The following IQCK variants were observed in gnomAD, a reference collection of about 807,000 sequenced individuals.
IQCK encodes IQ motif containing K.
In IQCK, 29 loss-of-function variants were observed where a neutral mutation model predicts 28.1. The ratio of observed to expected loss-of-function variants is 1.03; its 90% CI spans 0.77 to 1.41. The LOEUF (loss-of-function observed/expected upper bound fraction) is 1.41. IQCK is among the 40% of genes most tolerant of loss of function. IQCK has a pLI of 0.00. For missense variants in IQCK, 359 were observed against 314.7 expected (o/e 1.14, Z -1.07); for synonymous variants, 113 against 115.1 (o/e 0.98, Z 0.12).
At chr16:19,847,999 G>T (rs917488056) in intron 9 of IQCK, among the ~76,000 whole-genome samples, 2 of 152,116 alleles carry the variant, frequency 1.3e-5, no homozygotes, top group Non-Finnish European at 2.9e-5. Flanking sequence ...TCCTGGATCT[G>T]TTTTTTGACC....
rs1234011581 is a variant in IQCK, at chr16:19,822,084, CA to C, written c.691-4931del. On this transcript the variant is annotated intron_variant, in intron 7 of 7. Transcript: ENST00000564186. Reference sequence around the variant, plus strand: ...CCCTGTCTCAAAAAAAAAAAAAAAACAAAAAAAAAAACAAAAAAAAACGGCC... The same window carrying C: ...CCCTGTCTCAAAAAAAAAAAAAAAACAAAAAAAAAACAAAAAAAAACGGCC... Among the ~76,000 whole-genome samples the C allele has an allele frequency of 1.3e-3, 123 of 97,622 alleles. 2 individuals carry two copies. Among genetic ancestry groups the C allele is most frequent in the African/African-American group, 3.3e-3 (81 of 24,698 alleles). 64.0% of individuals were successfully genotyped at this position (97,622 alleles called of 152,430 possible).
rs2055473877 is a variant in IQCK at position 19,780,954 on chromosome 16, A to C, written c.606-7884A>C. On this transcript the variant is annotated intron_variant, in intron 6 of 7. Coordinates refer to ENST00000564186, the Ensembl canonical transcript of IQCK. ...TGTATTTACTTTCATGTTGTTAAAAACATTATTGTGAGAAGGAATCCAAAC... is the reference window on the plus strand; with the variant it reads ...TGTATTTACTTTCATGTTGTTAAAACCATTATTGTGAGAAGGAATCCAAAC... 2.0e-5 allele frequency among the ~76,000 whole-genome samples: 3 copies of C among 152,168 alleles called. No individual in the cohort carries two copies. In the South Asian group the frequency reaches 6.2e-4, roughly 32 times the overall value.
At chr16:19,855,270 T>C (rs2056544138) in intron 9 of IQCK, among the ~76,000 whole-genome samples, 1 of 152,114 alleles carries the variant, frequency 6.6e-6, no homozygotes, top group South Asian at 2.1e-4. Context: ...TCTGTGTTGC[T>C]GAAGGCCCTC....
chr16:19,834,346 C>T lies in IQCK; in HGVS notation c.802+7209C>T, dbSNP rs1195273304. Among the ~76,000 whole-genome samples, 4 of 152,308 alleles carry T rather than the reference C, an allele frequency of 2.6e-5. No individual in the cohort carries two copies. In the East Asian group the frequency reaches 7.7e-4, roughly 29 times the overall value. On this transcript the variant is annotated intron_variant, in intron 9 of 9. Coordinates refer to the IQCK transcript ENST00000320394. ...GGGCTGGGAGGATACATGGCTTGCA[C>T]AAGTCCACGCAGCCAGTCAGGCCAG...
rs140987901 is a variant in IQCK, at chr16:19,759,355, C to T, written c.475-4493C>T. On this transcript the variant is annotated intron_variant, in intron 4 of 7. Transcript: ENST00000564186. ...TCCTGAGTAGCTGGGATTACAGGCACGTGCCACCATGCCTGGCTTATTTTA... is the reference window on the plus strand; with the variant it reads ...TCCTGAGTAGCTGGGATTACAGGCATGTGCCACCATGCCTGGCTTATTTTA... Among the ~76,000 whole-genome samples, 590 of 152,132 alleles carry T rather than the reference C, an allele frequency of 3.9e-3. 4 individuals carry two copies. The highest frequency in any genetic ancestry group is 0.013 in the African/African-American group (541 of 41,506).
chr16:19,724,472 C>A (rs114975553), intron 1 of IQCK, among the ~76,000 whole-genome samples: 2,224 of 152,222 alleles, frequency 0.015, 48 homozygotes, highest in African/African-American at 0.05. Context: ...TCTTCCTGTT[C>A]CATCCCCTTC....
intron 7 of IQCK, among the ~76,000 whole-genome samples, chr16:19,816,487 G>A (rs2055990593): frequency 6.6e-6 from 1 of 152,080 alleles, no homozygotes; most frequent in Non-Finnish European, 1.5e-5. Context: ...TCACCATGTT[G>A]GCCAGGCTGG....
At chr16:19,804,202 A>G (rs937323929) in intron 7 of IQCK, among the ~76,000 whole-genome samples, 10 of 151,992 alleles carry the variant, frequency 6.6e-5, no homozygotes, top group African/African-American at 2.4e-4. Flanking sequence ...TACAAAAAAA[A>G]AATTAGCTGG....
At chr16:19,804,927 T>C (rs1231329084) in intron 7 of IQCK, among the ~76,000 whole-genome samples, 2 of 152,202 alleles carry the variant, frequency 1.3e-5, no homozygotes, top group East Asian at 1.9e-4. Flanking sequence ...CGCCAGATTC[T>C]TTTTTCCTTC....
chr16:19,823,698 A>T (rs1213992652), intron 7 of IQCK, among the ~76,000 whole-genome samples: 1 of 152,160 alleles, frequency 6.6e-6, no homozygotes, highest in Non-Finnish European at 1.5e-5. Flanking sequence ...GCACTTTGGG[A>T]CGCCGAGGTG....
At chr16:19,817,313 C>G (rs2056002239) in intron 7 of IQCK, among the ~76,000 whole-genome samples, 1 of 152,116 alleles carries the variant, frequency 6.6e-6, no homozygotes, top group South Asian at 2.1e-4. Flanking sequence ...GGCACAACTA[C>G]TGCCATTGAA....
chr16:19,735,652 T>G, intron 4 of IQCK: 1 of 561,906 alleles, frequency 1.8e-6, no homozygotes, highest in East Asian at 3.1e-5. Context: ...GTCTGGCCAC[T>G]TGGACTCCGG....
At chr16:19,720,493 G>A (rs978830681) in intron 1 of IQCK, among the ~76,000 whole-genome samples, 1 of 152,222 alleles carries the variant, frequency 6.6e-6, no homozygotes, top group Admixed American at 6.5e-5. Flanking sequence ...TCACAGGGCT[G>A]TTGTGGGGAC....
intron 7 of IQCK, among the ~76,000 whole-genome samples, chr16:19,806,860 A>G (rs2055841046): frequency 6.6e-6 from 1 of 152,160 alleles, no homozygotes; most frequent in Admixed American, 6.5e-5. Context: ...ATAAGAAATG[A>G]TGGGCAGAAG....
intron 4 of IQCK, among the ~76,000 whole-genome samples, chr16:19,763,445 T>A (rs2055179072): frequency 6.6e-6 from 1 of 151,888 alleles, no homozygotes; most frequent in Non-Finnish European, 1.5e-5. Flanking sequence ...GGTGTTAAGT[T>A]TCTTTTGTTT....
At chr16:19,738,487 C>A (rs1322615311) in intron 4 of IQCK, among the ~76,000 whole-genome samples, 2 of 152,142 alleles carry the variant, frequency 1.3e-5, no homozygotes, top group Non-Finnish European at 2.9e-5. Context: ...TTAAGAGCAA[C>A]ACTTGAGTCA....
At chr16:19,735,289 T>C (rs752290154) in intron 3 of IQCK, 64 bp from the exon 4 acceptor site, 2 of 1,089,204 alleles carry the variant, frequency 1.8e-6, no homozygotes, top group Non-Finnish European at 1.4e-6. Context: ...AAAGTAAACA[T>C]TTCTCCCAGA....
chr16:19,775,866 CTTTTTTTTTTTTTTTTTTTTTT>C (rs570530152), intron 6 of IQCK, among the ~76,000 whole-genome samples: 1 of 37,702 alleles, frequency 2.7e-5, no homozygotes, highest in African/African-American at 1.1e-4. Flanking sequence ...TGGGCACAGG[CTTTTTTTTTTTTTTTTTTTTTT>C]TTTTTTTTTT....
chr16:19,718,312 G>A (rs767207002), exon 1 of IQCK: 3 of 1,605,438 alleles, frequency 1.9e-6, no homozygotes, highest in Middle Eastern at 1.9e-4. Flanking sequence ...CGGCCATGGC[G>A]GCACCGCGGC....
Sources: gnomAD v4.1 joint callset for allele counts (sites outside exome capture counted in the v4.1 genomes callset) on GRCh38, gnomAD v4.1.1 for gene constraint, MANE v1.5 for transcripts, NCBI Gene and HGNC (gene_info 2026-07-23, HGNC 2026-07-21) for gene names.